The following LIMA1 variants were observed in gnomAD, a reference collection of about 807,000 sequenced individuals.
The protein encoded by LIMA1 is LIM domain and actin-binding protein 1.
Under a neutral mutation model 62.6 loss-of-function variants are expected in LIMA1, and 52 were observed. The observed-to-expected ratio is 0.83, with a 90% confidence interval of 0.67 to 1.05. LIMA1 has a LOEUF of 1.05. Ranked by LOEUF, LIMA1 falls within the 50% of genes least tolerant of loss-of-function variation. The pLI is 0.00. For synonymous variants in LIMA1, 302 were observed against 317.8 expected, an observed-to-expected ratio of 0.95 and a Z score of 0.53; for missense variants, 780 against 902.2, an observed-to-expected ratio of 0.86 and a Z score of 1.74.
intron 1 of LIMA1, among the ~76,000 whole-genome samples, chr12:50,283,015 C>A (rs1942358674): frequency 6.6e-6 from 1 of 151,980 alleles, no homozygotes. Flanking sequence ...GAGAAAAAAT[C>A]GAAAAGAGAG....
intron 6 of LIMA1, among the ~76,000 whole-genome samples, chr12:50,202,916 C>T (rs574962507): frequency 5.9e-5 from 9 of 151,532 alleles, no homozygotes; most frequent in African/African-American, 2.2e-4. Flanking sequence ...AGAACAAATG[C>T]TTGAAGGATA....
chr12:50,226,524 G>A (rs1941529480), intron 3 of LIMA1, among the ~76,000 whole-genome samples: 1 of 152,032 alleles, frequency 6.6e-6, no homozygotes, highest in Non-Finnish European at 1.5e-5. Context: ...GATGCAAGAA[G>A]GGTGTAGAAA....
intron 3 of LIMA1, among the ~76,000 whole-genome samples, chr12:50,228,947 C>T (rs1165081534): frequency 4.6e-5 from 7 of 152,168 alleles, no homozygotes; most frequent in Non-Finnish European, 1.0e-4. Context: ...ATCTTGAACT[C>T]CTGACCTCAA....
rs375691653 is a variant in LIMA1 at position 50,228,546 on chromosome 12, G to C, written c.165+3119C>G. Among the ~76,000 whole-genome samples, 3 of 152,264 alleles carry C rather than the reference G, an allele frequency of 2.0e-5. No homozygotes were observed. In the East Asian group the frequency reaches 5.8e-4, roughly 29 times the overall value. ...TATATCTCCAACCTTTAAACACCAA[G>C]GTGCCCCTGAGCTAAGTCATGAGAC... On this transcript the variant is annotated intron_variant, in intron 3 of 10. Coordinates refer to ENST00000341247, the MANE Select transcript of LIMA1 (RefSeq NM_016357.5).
intron 9 of LIMA1, among the ~76,000 whole-genome samples, chr12:50,191,582 G>C (rs1041027178): frequency 6.6e-6 from 1 of 152,122 alleles, no homozygotes; most frequent in Non-Finnish European, 1.5e-5. Context: ...AGCACTTTGG[G>C]AGGCCAAGGC....
At chr12:50,251,710 G>T (rs1941933591) in intron 1 of LIMA1, among the ~76,000 whole-genome samples, 1 of 151,880 alleles carries the variant, frequency 6.6e-6, no homozygotes, top group South Asian at 2.1e-4. Context: ...GAAAAAAAAG[G>T]TTAACTCCCA....
At chr12:50,231,887 C>T (rs764692332) in intron 2 of LIMA1, among the ~76,000 whole-genome samples, 177 bp from the exon 3 acceptor site, 2 of 152,078 alleles carry the variant, frequency 1.3e-5, no homozygotes, top group African/African-American at 2.4e-5. Flanking sequence ...CCTGTCTCAG[C>T]CTCCAGAACA....
chr12:50,226,927 C>A (rs191134354), intron 3 of LIMA1, among the ~76,000 whole-genome samples: 1,518 of 124,864 alleles, frequency 0.012, 27 homozygotes, highest in African/African-American at 0.043. Flanking sequence ...TTTTTTTTTA[C>A]AGGTTTCTCC....
intron 4 of LIMA1, among the ~76,000 whole-genome samples, chr12:50,215,978 G>A (rs1941338986): frequency 6.6e-6 from 1 of 151,824 alleles, no homozygotes; most frequent in Non-Finnish European, 1.5e-5. Flanking sequence ...GAACCTGGGA[G>A]GCTGCAGTGA....
intron 5 of LIMA1, 65 bp downstream of exon 5, chr12:50,205,919 C>T: frequency 8.2e-7 from 1 of 1,218,332 alleles, no homozygotes; most frequent in Non-Finnish European, 1.2e-6. Context: ...GCTTCGAGTC[C>T]AAAAGATGTT....
intron 1 of LIMA1, among the ~76,000 whole-genome samples, chr12:50,258,231 C>G (rs914250786): frequency 6.6e-6 from 1 of 152,126 alleles, no homozygotes; most frequent in Admixed American, 6.6e-5. Context: ...GTCACTGCTT[C>G]TAGGCGTCTT....
At chr12:50,234,156 T>C in intron 2 of LIMA1, 1 of 457,712 alleles carries the variant, frequency 2.2e-6, no homozygotes, top group South Asian at 1.6e-5. Flanking sequence ...GACTAAGTGG[T>C]CCGGAGATTT....
chr12:50,249,688 T>A (rs1941901241), intron 1 of LIMA1: 1 of 152,162 alleles, frequency 6.6e-6, no homozygotes, highest in Admixed American at 6.6e-5. Flanking sequence ...CCAACCTTTG[T>A]CCAGAAGACG....
rs955952221 is a variant in LIMA1, at chr12:50,176,133, A to C, written c.*931T>G. On this transcript the variant is annotated 3_prime_UTR_variant, in exon 11 of 11. Coordinates refer to ENST00000341247, the MANE Select transcript of LIMA1 (RefSeq NM_016357.5). The stretch of plus-strand genomic sequence containing the variant: ...GTATTTAAAAATTAGTGTCTCAAAA[A>C]GGGGACATCATAAGGGAAATACAGG... 2 of 151,402 alleles carry C rather than the reference A, an allele frequency of 1.3e-5. No individual in the cohort carries two copies. The highest frequency in any genetic ancestry group is 2.9e-5 in the Non-Finnish European group (2 of 68,038). The allele number at this position is 151,402 out of a possible 1,614,324, so 9.4% of individuals were successfully genotyped here.
At chr12:50,247,530 G>A (rs969337615) in intron 2 of LIMA1, among the ~76,000 whole-genome samples, 10 of 151,796 alleles carry the variant, frequency 6.6e-5, no homozygotes, top group Non-Finnish European at 1.5e-4. Context: ...CCAGCCTTTG[G>A]GCCACCCTGG....
At chr12:50,239,190 T>TAC (rs909860893) in intron 2 of LIMA1, among the ~76,000 whole-genome samples, 4 of 151,878 alleles carry the variant, frequency 2.6e-5, no homozygotes, top group Admixed American at 2.0e-4. Flanking sequence ...TACATACACA[T>TAC]ACACACACAC....
intron 4 of LIMA1, among the ~76,000 whole-genome samples, chr12:50,209,633 G>C (rs1363986167): frequency 6.6e-6 from 1 of 150,852 alleles, no homozygotes; most frequent in Non-Finnish European, 1.5e-5. Flanking sequence ...AGATATGTCT[G>C]GCAGGATACC....
chr12:50,191,960 T>G (rs571750922), intron 9 of LIMA1, among the ~76,000 whole-genome samples: 1 of 151,144 alleles, frequency 6.6e-6, no homozygotes, highest in South Asian at 2.1e-4. Flanking sequence ...GGTGAAACCC[T>G]GTCTCTACCA....
At chr12:50,239,236 A>G (rs1284104903) in intron 2 of LIMA1, among the ~76,000 whole-genome samples, 1 of 152,242 alleles carries the variant, frequency 6.6e-6, no homozygotes, top group Non-Finnish European at 1.5e-5. Context: ...AGAACAGGGT[A>G]TTATTAAATA....
Sources: allele counts gnomAD v4.1 joint callset (sites outside exome capture counted in the v4.1 genomes callset), GRCh38; gene constraint gnomAD v4.1.1; transcripts MANE v1.5; gene names NCBI Gene and HGNC (gene_info 2026-07-23, HGNC 2026-07-21).